Variants in UBA1 observed in about 807,000 individuals in gnomAD.
The protein encoded by UBA1 is ubiquitin like modifier activating enzyme 1.
In UBA1, 4 loss-of-function variants were observed where a neutral mutation model predicts 84.7. The observed-to-expected ratio is 0.05, with a 90% CI of 0.02 to 0.11. The LOEUF (loss-of-function observed/expected upper bound fraction) is 0.11. UBA1 is among the 10% of genes least tolerant of loss of function. The pLI, the probability that UBA1 is intolerant of heterozygous loss-of-function variation, is 1.00. For missense variants in UBA1, 513 were observed against 902.8 expected (o/e 0.57, Z 5.53); for synonymous variants, 364 against 362.6 (o/e 1.00, Z -0.04).
intron 14 of UBA1, chrX:47,205,446 G>C (rs1556790422): frequency 2.9e-6 from 1 of 343,645 alleles, no homozygotes; most frequent in East Asian, 9.6e-5. Flanking sequence ...CTGAGCCCCT[G>C]CCACATGCAT....
chrX:47,201,396 A>G, intron 7 of UBA1, 30 bp downstream of exon 7: 2 of 1,208,464 alleles, frequency 1.7e-6, no homozygotes, highest in Non-Finnish European at 2.2e-6. Flanking sequence ...GGTTCCTGGC[A>G]GGCAGGTGGG....
intron 16 of UBA1, chrX:47,206,709 C>T: frequency 2.5e-6 from 1 of 395,228 alleles, no homozygotes; most frequent in East Asian, 4.2e-5. Flanking sequence ...CCATTCCTCA[C>T]CTAAATTTAA....
intron 16 of UBA1, among the ~76,000 whole-genome samples, chrX:47,206,959 A>G (rs1936702254): frequency 9.1e-6 from 1 of 110,110 alleles, no homozygotes; most frequent in Non-Finnish European, 1.9e-5. Context: ...GTTTCTCAGC[A>G]TTCCTGACTT....
At chrX:47,204,587 T>A in intron 14 of UBA1, among the ~76,000 whole-genome samples, 1 of 111,446 alleles carries the variant, frequency 9.0e-6, no homozygotes, top group Non-Finnish European at 1.9e-5. Flanking sequence ...GTAAACTGTA[T>A]TGTTTGCATG....
At chrX:47,211,387 A>C (rs1936908795) in intron 20 of UBA1, among the ~76,000 whole-genome samples, 162 bp downstream of exon 20, 1 of 111,598 alleles carries the variant, frequency 9.0e-6, no homozygotes, top group Non-Finnish European at 1.9e-5. Flanking sequence ...TGAAGAGGGT[A>C]GGTTGGGGCA....
chrX:47,213,221 A>G, intron 23 of UBA1, 40 bp downstream of exon 23: 2 of 1,168,278 alleles, frequency 1.7e-6, no homozygotes, highest in South Asian at 3.7e-5. Context: ...GGTGGGGTGT[A>G]TCTGTGTAGA....
rs1447137602 is a variant in UBA1, at chrX:47,212,473, G to A, written c.2514G>A (p.Lys838=). 8.3e-7 allele frequency: 1 copy of A among 1,211,145 alleles called. No homozygotes were observed. The highest frequency in any genetic ancestry group is 2.2e-5 in the Admixed American group (1 of 46,036). ...ELKATLPSPD[K]LPGFKMYPID... is the part of the protein sequence containing the mutation. ...AAGCCACTCTGCCCAGCCCAGACAA[G>A]CTCCCTGGATTCAAGATGTACCCCA... Residue 838 remains lysine (K), a synonymous_variant, in exon 21 of 26, where the codon AAG becomes AAA. Transcript: ENST00000335972.
At position 47,199,048 on chromosome X, in the gene UBA1, G is replaced by A; in HGVS notation, c.118G>A (p.Gly40Arg). 4 of 1,212,296 alleles carry A rather than the reference G, an allele frequency of 3.3e-6. No homozygotes were observed. Among genetic ancestry groups the A allele is most frequent in the Non-Finnish European group, 4.5e-6 (4 of 895,576 alleles). ...ACTTGTTCTTTTCCTCTATTCCTAG[G>A]GAATGGCCAAGAACGGCAGTGAAGC... ...LSEVPSVPTN[G>R]MAKNGSEADI... The change falls in exon 3 of 26, where the codon GGA (glycine) becomes AGA (arginine). Residue 40 changes from glycine (G) to arginine (R), a missense_variant and splice_region_variant. By Grantham distance (125) the Gly-to-Arg change is moderately radical (BLOSUM62 -2). Coordinates refer to ENST00000335972, the MANE Select transcript of UBA1 (RefSeq NM_003334.4).
chrX:47,200,879 T>G lies in UBA1; in HGVS notation c.481-15T>G. The G allele has an allele frequency of 8.5e-7, 1 of 1,170,973 alleles. No individual in the cohort carries two copies. Among genetic ancestry groups the G allele is most frequent in the East Asian group, 3.1e-5 (1 of 31,989 alleles). On this transcript the variant is annotated splice_polypyrimidine_tract_variant and intron_variant, in intron 5 of 25. Transcript: ENST00000335972. Reference sequence around the variant, plus strand: ...TTCACCCCAATGCTGGGCCTGAGCCTCCATCTCTCCACAGGTGGTGGTGCT... The same window carrying G: ...TTCACCCCAATGCTGGGCCTGAGCCGCCATCTCTCCACAGGTGGTGGTGCT...
chrX:47,207,338 C>A (rs782509159), intron 16 of UBA1, among the ~76,000 whole-genome samples: 4 of 111,399 alleles, frequency 3.6e-5, no homozygotes, highest in African/African-American at 1.3e-4. Context: ...AGAATTGTCT[C>A]GGGCCACACA....
rs1481219406 is a variant in UBA1 at position 47,202,142 on chromosome X, C to A, written c.812-14C>A. On this transcript the variant is annotated splice_polypyrimidine_tract_variant and intron_variant, in intron 8 of 25. Coordinates refer to ENST00000335972, the MANE Select transcript of UBA1 (RefSeq NM_003334.4). ...GAATGGGTAGACTGACAGCTCTCTT[C>A]CTGCCCTCTGTAGGTCCTTATACCT... 8.4e-7 allele frequency: 1 copy of A among 1,191,859 alleles called. No homozygotes were observed. Among genetic ancestry groups the A allele is most frequent in the East Asian group, 3.0e-5 (1 of 33,656 alleles).
intron 16 of UBA1, among the ~76,000 whole-genome samples, chrX:47,207,763 C>G (rs1936735082): frequency 8.9e-6 from 1 of 111,987 alleles, no homozygotes; most frequent in African/African-American, 3.2e-5. Context: ...GCACCAACCA[C>G]AGTCTTGCTA....
At chrX:47,214,688 CCTCAT>C in intron 25 of UBA1, 51 bp downstream of exon 25, 1 of 1,190,512 alleles carries the variant, frequency 8.4e-7, no homozygotes, top group Non-Finnish European at 1.1e-6. Context: ...GGTTGGGGAG[CCTCAT>C]CATCCAGCTG....
chrX:47,194,738 T>C (rs1556784951), intron 1 of UBA1, among the ~76,000 whole-genome samples: 1 of 111,963 alleles, frequency 8.9e-6, no homozygotes. Context: ...GAGACCCCTC[T>C]TACCATCTGC....
At chrX:47,211,424 C>T (rs781800639) in intron 20 of UBA1, among the ~76,000 whole-genome samples, 199 bp downstream of exon 20, 1 of 111,940 alleles carries the variant, frequency 8.9e-6, no homozygotes, top group African/African-American at 3.3e-5. Flanking sequence ...CCTCCTCCTT[C>T]CCACTATCTG....
Position 47,202,462 on chromosome X carries a change from G to C in UBA1, c.1014G>C (p.Gln338His), listed in dbSNP as rs1157237217. ...ACATTGGCTTCCAGGCCCTGCACCA[G>C]TTCTGTGCTCAGCATGGCCGGCCAC... Reference protein sequence around the residue: ...QLHIGFQALHQFCAQHGRPPR... With the variant: ...QLHIGFQALHHFCAQHGRPPR... The change falls in exon 10 of 26, where the codon CAG becomes CAC. Residue 338 changes from glutamine (Q) to histidine (H), a missense_variant. Physicochemically the swap from Gln to His is conservative, Grantham distance 24. Coordinates refer to ENST00000335972, the MANE Select transcript of UBA1 (RefSeq NM_003334.4). The C allele has an allele frequency of 4.1e-6, 5 of 1,206,058 alleles. No homozygotes were observed. Among genetic ancestry groups the C allele is most frequent in the Non-Finnish European group, 5.6e-6 (5 of 892,935 alleles).
Position 47,198,974 on chromosome X carries a change from T to C in UBA1, c.117+55T>C, listed in dbSNP as rs782613923. ...ACGAGGTGGTGGGTGGGAAAGTCTT[T>C]TGTATCACTGTCTGTCTATCCATGC... On this transcript the variant is annotated intron_variant, in intron 2 of 25. Transcript: ENST00000335972. 70 of 1,202,633 alleles carry C rather than the reference T, an allele frequency of 5.8e-5. No individual in the cohort carries two copies. The African/African-American group carries it at 6.3e-4, about 11-fold the overall frequency.
chrX:47,200,210 G>T (rs1936353140), intron 5 of UBA1, among the ~76,000 whole-genome samples: 1 of 112,429 alleles, frequency 8.9e-6, no homozygotes, highest in Non-Finnish European at 1.9e-5. Context: ...CTTCAAGCAG[G>T]TTGTTTCATC....
chrX:47,206,502 C>T (rs1456139156), intron 16 of UBA1, 58 bp downstream of exon 16: 3 of 1,139,787 alleles, frequency 2.6e-6, no homozygotes, highest in African/African-American at 1.8e-5. Context: ...TGCTGCCTCT[C>T]CGCCCCCAGG....
Sources: gnomAD v4.1 joint callset for allele counts (sites outside exome capture counted in the v4.1 genomes callset) on GRCh38, gnomAD v4.1.1 for gene constraint, MANE v1.5 for transcripts, NCBI Gene and HGNC (gene_info 2026-07-23, HGNC 2026-07-21) for gene names.